LPGAT1: variants seen among roughly 807,000 people sequenced by gnomAD.
LPGAT1 encodes acyl-CoA:lysophosphatidylglycerol acyltransferase 1.
Under a neutral mutation model 47.5 loss-of-function variants are expected in LPGAT1, and 11 were observed. The ratio of observed to expected loss-of-function variants is 0.23; its 90% CI spans 0.15 to 0.38. The LOEUF is 0.38. LPGAT1 is among the 10% of genes least tolerant of loss of function. The pLI is 1.00. For missense variants in LPGAT1, 293 were observed against 439.0 expected (o/e 0.67, Z 2.97); for synonymous variants, 138 against 144.2 (o/e 0.96, Z 0.31).
At chr1:211,783,620 C>T in intron 4 of LPGAT1, 118 bp from the exon 5 acceptor site, 2 of 877,766 alleles carry the variant, frequency 2.3e-6, no homozygotes, top group Non-Finnish European at 3.3e-6. Context: ...AATAGTGATT[C>T]CCCCACCCCA....
intron 2 of LPGAT1, among the ~76,000 whole-genome samples, chr1:211,819,588 A>G (rs1476797456): frequency 6.6e-6 from 1 of 152,190 alleles, no homozygotes; most frequent in Non-Finnish European, 1.5e-5. Flanking sequence ...CATACAATCT[A>G]TGCTGGGGTG....
chr1:211,830,389 G>A lies in LPGAT1; in HGVS notation c.-28+184C>T. On this transcript the variant is annotated intron_variant, in intron 1 of 7. Coordinates refer to ENST00000366997, the MANE Select transcript of LPGAT1 (RefSeq NM_014873.3). The surrounding 1 kb of genome is among the most constrained non-coding windows in gnomAD (Gnocchi z 5.9). ...CGGACCTGTCACCCGGGCGGGTCCC[G>A]GGGAGGCGGGCGGATGCCCCGCGCC... 1 of 1,168,692 alleles carries A rather than the reference G, an allele frequency of 8.6e-7. No individual in the cohort carries two copies. The highest frequency in any genetic ancestry group is 1.1e-6 in the Non-Finnish European group (1 of 947,622). The allele number at this position is 1,168,692 out of a possible 1,614,324, so 72.4% of individuals were successfully genotyped here. A position where few individuals can be genotyped will look rare whatever the true frequency, so the allele number is the denominator to read the frequency against.
At chr1:211,784,150 C>A (rs1311093800) in intron 4 of LPGAT1, among the ~76,000 whole-genome samples, 2 of 152,054 alleles carry the variant, frequency 1.3e-5, no homozygotes, top group East Asian at 3.9e-4. Context: ...ACAAGGAAGT[C>A]AGGGGTAGGA....
chr1:211,802,014 G>A (rs891077640), intron 2 of LPGAT1, among the ~76,000 whole-genome samples: 2 of 151,388 alleles, frequency 1.3e-5, no homozygotes, highest in African/African-American at 4.8e-5. Context: ...CTTGAAACTG[G>A]GAGGTTAAGG....
intron 2 of LPGAT1, among the ~76,000 whole-genome samples, chr1:211,826,780 A>G (rs1055511233): frequency 6.6e-6 from 1 of 152,142 alleles, no homozygotes; most frequent in Non-Finnish European, 1.5e-5. Context: ...AGTTTTGGCA[A>G]TTTTTATTCT....
chr1:211,748,855 TA>T lies in LPGAT1; in HGVS notation c.*1043del, dbSNP rs889971285. 4 of 152,596 alleles carry T rather than the reference TA, an allele frequency of 2.6e-5. No homozygotes were observed. The highest frequency in any genetic ancestry group is 6.5e-5 in the Admixed American group (1 of 15,282). 9.5% of individuals were successfully genotyped at this position (152,596 alleles called of 1,614,324 possible). A position where few individuals can be genotyped will look rare whatever the true frequency, so the allele number is the denominator to read the frequency against. On this transcript the variant is annotated 3_prime_UTR_variant, in exon 8 of 8. Transcript: ENST00000366997. ...GCCACATGAGAACCTGTCACCATTA[TA>T]AGCCACTAGCTCTTATTTTTCTATA... is the stretch of plus-strand genomic sequence containing the variant.
rs1658756771 is a variant in LPGAT1, at chr1:211,784,287, A to T, written c.454-785T>A. 2.0e-5 allele frequency among the ~76,000 whole-genome samples: 3 copies of T among 152,168 alleles called. No homozygotes were observed. In the South Asian group the frequency reaches 6.2e-4, roughly 32 times the overall value. On this transcript the variant is annotated intron_variant, in intron 4 of 7. Coordinates refer to ENST00000366997, the MANE Select transcript of LPGAT1 (RefSeq NM_014873.3). ...TTATAATCTTATTTCTGTTTAAAAA[A>T]ATCTGACCAGCCTGGGCAACATGGT...
chr1:211,770,126 A>G (rs1244008662), intron 6 of LPGAT1, among the ~76,000 whole-genome samples: 1 of 152,208 alleles, frequency 6.6e-6, no homozygotes, highest in Admixed American at 6.5e-5. Flanking sequence ...TTATTTAGTC[A>G]TCCCTCTACT....
chr1:211,804,247 G>T (rs1010401563), intron 2 of LPGAT1, among the ~76,000 whole-genome samples: 1 of 151,840 alleles, frequency 6.6e-6, no homozygotes, highest in East Asian at 1.9e-4. Context: ...ACAGGGTCTC[G>T]CTTTGTTGCC....
In LPGAT1 at chr1:211,785,313, T is replaced by G. The variant is rs1356119880; in HGVS notation, c.454-1811A>C. Among the ~76,000 whole-genome samples, 3 of 152,326 alleles carry G rather than the reference T, an allele frequency of 2.0e-5. No individual in the cohort carries two copies. The East Asian group carries it at 5.8e-4, about 29-fold the overall frequency. ...TCTCAAGATTATACGTAAAATATTT[T>G]TACTATTCTTGGAAAAGCTTGTCAA... On this transcript the variant is annotated intron_variant, in intron 4 of 7. Transcript: ENST00000366997.
intron 2 of LPGAT1, among the ~76,000 whole-genome samples, chr1:211,814,797 C>T (rs1660112323): frequency 6.6e-6 from 1 of 152,214 alleles, no homozygotes; most frequent in African/African-American, 2.4e-5. Flanking sequence ...ATTTTGTCCT[C>T]TCCCATTCAT....
chr1:211,764,946 A>T (rs1029164882), intron 6 of LPGAT1, among the ~76,000 whole-genome samples: 11 of 152,186 alleles, frequency 7.2e-5, no homozygotes, highest in African/African-American at 2.4e-4. Flanking sequence ...AACAGTCAAG[A>T]GCCCTCAAAA....
intron 2 of LPGAT1, among the ~76,000 whole-genome samples, chr1:211,819,968 G>C (rs1475425299): frequency 2.0e-5 from 3 of 151,892 alleles, no homozygotes; most frequent in African/African-American, 7.3e-5. Flanking sequence ...CTGAGCAACA[G>C]AGTGAGACTC....
At chr1:211,773,374 TA>T (rs1658257303) in intron 6 of LPGAT1, among the ~76,000 whole-genome samples, 1 of 152,208 alleles carries the variant, frequency 6.6e-6, no homozygotes, top group Admixed American at 6.5e-5. Context: ...AAAATATTAA[TA>T]TTTCTTTTCC....
chr1:211,750,949 G>T lies in LPGAT1; in HGVS notation c.961+12C>A, dbSNP rs369642551. On this transcript the variant is annotated intron_variant, in intron 7 of 7. Transcript: ENST00000366997. Reference sequence around the variant, plus strand: ...GCTATAATTTAGCAACTATTTAAAGGTTACTGTGTACCTGTTTCATAAAAA... The same window carrying T: ...GCTATAATTTAGCAACTATTTAAAGTTTACTGTGTACCTGTTTCATAAAAA... 6.4e-7 allele frequency: 1 copy of T among 1,567,940 alleles called. No individual in the cohort carries two copies.
rs573001582 is a variant in LPGAT1 at position 211,784,531 on chromosome 1, G to A, written c.454-1029C>T. On this transcript the variant is annotated intron_variant, in intron 4 of 7. Transcript: ENST00000366997. ...AAGAAAAAAGAAAGAAAATCTGCTG[G>A]TTCCTGTGACCAAAAGACCACAGGA... Among the ~76,000 whole-genome samples the A allele has an allele frequency of 4.0e-5, 6 of 151,516 alleles. No individual in the cohort carries two copies. In the South Asian group the frequency reaches 1.2e-3, roughly 32 times the overall value.
At chr1:211,778,807 A>T (rs1349532424) in intron 6 of LPGAT1, 111 bp downstream of exon 6, 2 of 832,718 alleles carry the variant, frequency 2.4e-6, no homozygotes, top group Non-Finnish European at 3.5e-6. Context: ...ATAAGAATGA[A>T]CTTGAGCCAA....
rs1392924420 is a variant in LPGAT1 at position 211,749,763 on chromosome 1, G to A, written c.*136C>T. On this transcript the variant is annotated 3_prime_UTR_variant, in exon 8 of 8. Coordinates refer to ENST00000366997, the MANE Select transcript of LPGAT1 (RefSeq NM_014873.3). ...GTAGATTTTAAAATATCCCAAAGGG[G>A]GATAAATATTAATCCATCCATTGAA... is the stretch of plus-strand genomic sequence containing the variant. 5.9e-6 allele frequency: 5 copies of A among 848,934 alleles called. No individual in the cohort carries two copies. The highest frequency in any genetic ancestry group is 5.2e-5 in the African/African-American group (3 of 58,058). 52.6% of individuals were successfully genotyped at this position (848,934 alleles called of 1,614,324 possible).
At chr1:211,806,137 G>A (rs1020951943) in intron 2 of LPGAT1, among the ~76,000 whole-genome samples, 2 of 151,984 alleles carry the variant, frequency 1.3e-5, no homozygotes, top group African/African-American at 2.4e-5. Flanking sequence ...GCACACGCCT[G>A]TAGTCCCGGG....
Sources: allele counts gnomAD v4.1 joint callset (sites outside exome capture counted in the v4.1 genomes callset), GRCh38; gene constraint gnomAD v4.1.1; non-coding constraint Gnocchi (gnomAD v3.1); transcripts MANE v1.5; gene names NCBI Gene and HGNC (gene_info 2026-07-23, HGNC 2026-07-21).